MDGA2: variants seen among roughly 807,000 people sequenced by gnomAD.
MDGA2 encodes the protein MAM domain-containing glycosylphosphatidylinositol anchor protein 2.
MDGA2 carries 40 observed loss-of-function variants against 117.8 expected under a neutral mutation model. That is an observed-to-expected ratio of 0.34 (90% CI 0.26 to 0.44). The LOEUF (loss-of-function observed/expected upper bound fraction) is 0.44. Ranked by LOEUF, MDGA2 falls within the 20% of genes least tolerant of loss-of-function variation. The pLI is 1.00. For synonymous variants in MDGA2, 452 were observed against 439.0 expected (o/e 1.03, Z -0.37); for missense variants, 1,123 against 1,250.6 (o/e 0.90, Z 1.54).
intron 1 of MDGA2, among the ~76,000 whole-genome samples, chr14:47,489,211 ATT>A (rs34501481): frequency 6.6e-6 from 1 of 151,622 alleles, no homozygotes; most frequent in Non-Finnish European, 1.5e-5. Context: ...ACAAAAAAAA[ATT>A]TGAACTGAAA....
intron 10 of MDGA2, among the ~76,000 whole-genome samples, chr14:46,898,514 A>G (rs568737579): frequency 2.0e-5 from 3 of 152,124 alleles, no homozygotes; most frequent in Admixed American, 2.0e-4. Flanking sequence ...AGAAGCATTA[A>G]GTTTGGGAGG....
intron 1 of MDGA2, among the ~76,000 whole-genome samples, chr14:47,378,851 C>T (rs561883328): frequency 5.9e-4 from 90 of 152,236 alleles, no homozygotes; most frequent in Non-Finnish European, 6.6e-4. Context: ...CATTCAAATT[C>T]AGGAAATACA....
chr14:47,627,089 C>T (rs1343919134), intron 1 of MDGA2, among the ~76,000 whole-genome samples: 3 of 151,220 alleles, frequency 2.0e-5, no homozygotes, highest in Non-Finnish European at 4.4e-5. Flanking sequence ...GTATCTAGTT[C>T]ATCTGGTGGG....
intron 1 of MDGA2, among the ~76,000 whole-genome samples, chr14:47,611,216 A>G (rs1415357157): frequency 1.3e-5 from 2 of 152,186 alleles, no homozygotes; most frequent in East Asian, 3.8e-4. Context: ...CTCAATATGG[A>G]TTAAGGACTT....
intron 3 of MDGA2, among the ~76,000 whole-genome samples, chr14:47,153,705 G>GAAAAA (rs1450677286): frequency 1.7e-5 from 2 of 116,302 alleles, no homozygotes; most frequent in Non-Finnish European, 1.9e-5. Context: ...GAAAAGAAAA[G>GAAAAA]AAATAAAAAA....
chr14:47,520,231 T>C (rs1321017286), intron 1 of MDGA2, among the ~76,000 whole-genome samples: 1 of 152,184 alleles, frequency 6.6e-6, no homozygotes. Flanking sequence ...TATTCTCTCT[T>C]TAATGATGTT....
At chr14:47,074,292 C>T in intron 6 of MDGA2, among the ~76,000 whole-genome samples, 1 of 150,430 alleles carries the variant, frequency 6.6e-6, no homozygotes. Context: ...TGATTCTCAC[C>T]AGTAACAGAA....
At chr14:47,342,024 G>A (rs1890639563) in intron 1 of MDGA2, among the ~76,000 whole-genome samples, 1 of 151,818 alleles carries the variant, frequency 6.6e-6, no homozygotes, top group South Asian at 2.1e-4. Context: ...ATTTTTAGTA[G>A]AGACAGGTAG....
intron 8 of MDGA2, among the ~76,000 whole-genome samples, chr14:46,993,730 G>A (rs930767971): frequency 2.0e-5 from 3 of 152,120 alleles, no homozygotes; most frequent in Admixed American, 6.6e-5. Flanking sequence ...CAGAGTGTTC[G>A]GATTACAGGC....
At chr14:47,488,199 G>A (rs574315769) in intron 1 of MDGA2, among the ~76,000 whole-genome samples, 1 of 152,190 alleles carries the variant, frequency 6.6e-6, no homozygotes, top group African/African-American at 2.4e-5. Flanking sequence ...CGACATATGA[G>A]ATTTCAAACT....
chr14:47,078,917 T>C (rs1890596745), intron 6 of MDGA2, among the ~76,000 whole-genome samples: 1 of 152,104 alleles, frequency 6.6e-6, no homozygotes, highest in African/African-American at 2.4e-5. Context: ...TGAAATTTTG[T>C]ATCCTTTGAC....
intron 1 of MDGA2, among the ~76,000 whole-genome samples, chr14:47,425,888 T>A (rs1892678585): frequency 6.7e-6 from 1 of 149,534 alleles, no homozygotes; most frequent in Non-Finnish European, 1.5e-5. Flanking sequence ...TGTACAATAC[T>A]AAATTCACAA....
chr14:47,650,198 T>G (rs551255138), intron 1 of MDGA2, among the ~76,000 whole-genome samples: 1 of 152,270 alleles, frequency 6.6e-6, no homozygotes, highest in South Asian at 2.1e-4. Flanking sequence ...GGAGTCATGC[T>G]TAAACATCTC....
chr14:47,492,975 T>C (rs1894203233), intron 1 of MDGA2, among the ~76,000 whole-genome samples: 1 of 152,140 alleles, frequency 6.6e-6, no homozygotes, highest in Non-Finnish European at 1.5e-5. Context: ...TATTATTTTC[T>C]CTAATGCTAC....
At position 47,519,129 on chromosome 14, in the gene MDGA2, C is replaced by G. The variant is rs145893711; in HGVS notation, c.280+155388G>C. On this transcript the variant is annotated intron_variant, in intron 1 of 16. Transcript: ENST00000399232. ...TGAGGCAGGGAGAATCACTTAGACC[C>G]GGGAGGCGGAGGTTGCAGTGAGCCG... Among the ~76,000 whole-genome samples the G allele has an allele frequency of 7.7e-3, 1,164 of 151,164 alleles. 6 individuals carry two copies. The highest frequency in any genetic ancestry group is 9.0e-3 in the Non-Finnish European group (609 of 67,706).
At chr14:47,397,311 G>T (rs4900750) in intron 1 of MDGA2, among the ~76,000 whole-genome samples, 7 of 152,078 alleles carry the variant, frequency 4.6e-5, no homozygotes, top group Non-Finnish European at 8.8e-5. Context: ...AGGGTAACAA[G>T]ACACACTGGG....
At chr14:46,989,438 ATT>A (rs1488915725) in intron 8 of MDGA2, among the ~76,000 whole-genome samples, 1 of 152,036 alleles carries the variant, frequency 6.6e-6, no homozygotes, top group African/African-American at 2.4e-5. Flanking sequence ...AAAGCTCATA[ATT>A]TTTCATCTTG....
intron 3 of MDGA2, among the ~76,000 whole-genome samples, chr14:47,179,952 T>C (rs1884631792): frequency 6.6e-6 from 1 of 152,202 alleles, no homozygotes; most frequent in African/African-American, 2.4e-5. Flanking sequence ...ATTAGTTATG[T>C]TAATATATCT....
chr14:47,288,488 C>G (rs1262354137), intron 2 of MDGA2, among the ~76,000 whole-genome samples: 1 of 152,086 alleles, frequency 6.6e-6, no homozygotes, highest in Non-Finnish European at 1.5e-5. Context: ...TGAAATCCAC[C>G]AGTGAAGGCA....
Sources: gnomAD v4.1 joint callset for allele counts (sites outside exome capture counted in the v4.1 genomes callset) on GRCh38, gnomAD v4.1.1 for gene constraint, MANE v1.5 for transcripts, NCBI Gene and HGNC (gene_info 2026-07-23, HGNC 2026-07-21) for gene names.